Variants in KLHL1 observed in about 807,000 individuals in gnomAD.
KLHL1 encodes the protein kelch-like protein 1.
In KLHL1, 47 loss-of-function variants were observed where a neutral mutation model predicts 77.7. The ratio of observed to expected loss-of-function variants is 0.60; its 90% CI spans 0.48 to 0.77. The LOEUF is 0.77. Among genes scored for constraint, KLHL1 ranks in the 30% least tolerant of loss-of-function variants. The pLI is 0.00. For missense variants in KLHL1, 925 were observed against 910.8 expected (o/e 1.02, Z -0.20); for synonymous variants, 360 against 325.2 (o/e 1.11, Z -1.15).
At chr13:69,996,324 TA>T in intron 1 of KLHL1, among the ~76,000 whole-genome samples, 1 of 151,884 alleles carries the variant, frequency 6.6e-6, no homozygotes, top group Admixed American at 6.6e-5. Context: ...TAAAAAAATT[TA>T]AAAAAGCCTT....
At chr13:69,790,072 T>C (rs1409684601) in intron 7 of KLHL1, among the ~76,000 whole-genome samples, 2 of 152,070 alleles carry the variant, frequency 1.3e-5, no homozygotes, top group Non-Finnish European at 2.9e-5. Context: ...TCTGACACAT[T>C]TGGTCAATTT....
At chr13:69,934,870 T>C (rs1883117906) in intron 4 of KLHL1, among the ~76,000 whole-genome samples, 1 of 151,042 alleles carries the variant, frequency 6.6e-6, no homozygotes, top group Non-Finnish European at 1.5e-5. Flanking sequence ...ATAAACATCA[T>C]TTATTTAAGG....
At chr13:70,069,436 C>CA (rs1474676563) in intron 1 of KLHL1, among the ~76,000 whole-genome samples, 3 of 152,114 alleles carry the variant, frequency 2.0e-5, no homozygotes, top group Non-Finnish European at 4.4e-5. Context: ...TGTCTTTTAA[C>CA]AAAAAATTAC....
At chr13:69,984,202 G>A (rs1884801809) in intron 1 of KLHL1, among the ~76,000 whole-genome samples, 1 of 152,110 alleles carries the variant, frequency 6.6e-6, no homozygotes, top group African/African-American at 2.4e-5. Context: ...CAGATAGTGA[G>A]GGTACGGATG....
chr13:70,108,424 C>T lies in KLHL1; in HGVS notation c.-725G>A, dbSNP rs1296587047. Reference sequence around the variant, plus strand: ...TAGGGAGGCAAAAGAAAAAGCCCGCCTGTGAAGCTGTCAAGGTCCTCACAG... The same window carrying T: ...TAGGGAGGCAAAAGAAAAAGCCCGCTTGTGAAGCTGTCAAGGTCCTCACAG... On this transcript the variant is annotated 5_prime_UTR_variant, in exon 1 of 11. Transcript: ENST00000377844. The T allele has an allele frequency of 6.5e-6, 1 of 154,714 alleles. No homozygotes were observed. The highest frequency in any genetic ancestry group is 1.4e-5 in the Non-Finnish European group (1 of 69,996). The allele number at this position is 154,714 out of a possible 1,614,324, so 9.6% of individuals were successfully genotyped here.
intron 1 of KLHL1, among the ~76,000 whole-genome samples, chr13:70,088,800 T>G (rs1297949047): frequency 6.6e-6 from 1 of 152,170 alleles, no homozygotes; most frequent in African/African-American, 2.4e-5. Context: ...TTTATACTTT[T>G]ATATTCATGT....
chr13:69,827,442 TAGTG>T (rs140299816), intron 6 of KLHL1, among the ~76,000 whole-genome samples: 2,195 of 152,028 alleles, frequency 0.014, 52 homozygotes, highest in African/African-American at 0.049. Context: ...AAGTCATTCT[TAGTG>T]AGTGTCAGGG....
intron 1 of KLHL1, 119 bp downstream of exon 1, chr13:70,107,084 C>T: frequency 7.0e-7 from 1 of 1,423,432 alleles, no homozygotes; most frequent in South Asian, 1.5e-5. Context: ...ACCAGGGTGG[C>T]ATCTCTTAAC....
chr13:70,093,285 G>T (rs1429693559), intron 1 of KLHL1, among the ~76,000 whole-genome samples: 1 of 152,076 alleles, frequency 6.6e-6, no homozygotes, highest in African/African-American at 2.4e-5. Flanking sequence ...AGTGGACTTT[G>T]TCTTTCTCCA....
intron 1 of KLHL1, among the ~76,000 whole-genome samples, chr13:70,038,534 G>T (rs990229202): frequency 2.1e-4 from 30 of 145,956 alleles, no homozygotes; most frequent in Non-Finnish European, 3.6e-4. Context: ...CAATGTAAAA[G>T]AGATTTGTTT....
chr13:70,092,073 T>C (rs1372273431), intron 1 of KLHL1, among the ~76,000 whole-genome samples: 3 of 152,124 alleles, frequency 2.0e-5, no homozygotes, highest in African/African-American at 7.2e-5. Flanking sequence ...ATGAATTTTG[T>C]CAATAATCTG....
intron 9 of KLHL1, among the ~76,000 whole-genome samples, chr13:69,713,388 A>G (rs7339316): frequency 1.3e-5 from 2 of 152,052 alleles, no homozygotes; most frequent in Admixed American, 1.3e-4. Flanking sequence ...ATCACAAAAC[A>G]TTTCAATATT....
intron 4 of KLHL1, among the ~76,000 whole-genome samples, chr13:69,912,854 G>C (rs537371690): frequency 6.6e-6 from 1 of 152,244 alleles, no homozygotes; most frequent in African/African-American, 2.4e-5. Flanking sequence ...GAGACTACCT[G>C]CTTGCCTTCT....
At chr13:70,044,567 C>T (rs994877099) in intron 1 of KLHL1, among the ~76,000 whole-genome samples, 2 of 151,654 alleles carry the variant, frequency 1.3e-5, no homozygotes, top group Non-Finnish European at 2.9e-5. Flanking sequence ...ATACCCTATA[C>T]CAAGATACAT....
chr13:69,729,909 T>G (rs938633995), intron 8 of KLHL1, among the ~76,000 whole-genome samples: 4 of 152,168 alleles, frequency 2.6e-5, no homozygotes, highest in African/African-American at 9.7e-5. Context: ...ACTCTGATAT[T>G]TTTTACGAAG....
At chr13:69,799,405 GGATTTCAAAGCC>G (rs1286254058) in intron 6 of KLHL1, among the ~76,000 whole-genome samples, 2 of 152,102 alleles carry the variant, frequency 1.3e-5, no homozygotes, top group Non-Finnish European at 1.5e-5. Context: ...GAATTGATTT[GGATTTCAAAGCC>G]TCATTCAAAT....
At chr13:69,990,236 G>C (rs1884991946) in intron 1 of KLHL1, among the ~76,000 whole-genome samples, 2 of 151,926 alleles carry the variant, frequency 1.3e-5, no homozygotes, top group African/African-American at 4.8e-5. Flanking sequence ...TACACAGACA[G>C]TGACCTTATA....
chr13:69,974,415 A>C, intron 2 of KLHL1, among the ~76,000 whole-genome samples: 1 of 151,618 alleles, frequency 6.6e-6, no homozygotes, highest in Admixed American at 6.6e-5. Flanking sequence ...TTTAGAAAAT[A>C]ACTAATGTAT....
chr13:69,844,404 CTAAAT>C (rs1879378621), intron 5 of KLHL1, among the ~76,000 whole-genome samples: 1 of 151,608 alleles, frequency 6.6e-6, no homozygotes, highest in Non-Finnish European at 1.5e-5. Flanking sequence ...TTTTGACAAA[CTAAAT>C]TACTTATAAC....
Sources: gnomAD v4.1 joint callset for allele counts (sites outside exome capture counted in the v4.1 genomes callset) on GRCh38, gnomAD v4.1.1 for gene constraint, MANE v1.5 for transcripts, NCBI Gene and HGNC (gene_info 2026-07-23, HGNC 2026-07-21) for gene names.